Variants in DTNB observed in about 807,000 individuals in gnomAD.
DTNB encodes DTN-B.
Under a neutral mutation model 90.7 loss-of-function variants are expected in DTNB, and 63 were observed. The ratio of observed to expected loss-of-function variants is 0.69; its 90% CI spans 0.57 to 0.86. DTNB has a LOEUF of 0.86. DTNB is among the 40% of genes least tolerant of loss of function. The pLI is 0.00. For missense variants in DTNB, 744 were observed against 807.1 expected, an observed-to-expected ratio of 0.92 and a Z score of 0.95; for synonymous variants, 277 against 286.7, an observed-to-expected ratio of 0.97 and a Z score of 0.34.
At chr2:25,612,158 ATG>A (rs1027290947) in intron 4 of DTNB, among the ~76,000 whole-genome samples, 1 of 152,214 alleles carries the variant, frequency 6.6e-6, no homozygotes, top group Admixed American at 6.5e-5. Flanking sequence ...AATAACCAAA[ATG>A]TCCATTAATA....
intron 9 of DTNB, among the ~76,000 whole-genome samples, chr2:25,496,047 C>G (rs2068756203): frequency 1.3e-5 from 2 of 152,148 alleles, no homozygotes; most frequent in South Asian, 4.1e-4. Flanking sequence ...ACTTTCACCA[C>G]TAGATAGTGT....
At position 25,652,604 on chromosome 2, in the gene DTNB, G is replaced by A; in HGVS notation, c.57C>T (p.Phe19=). The A allele has an allele frequency of 1.9e-6, 3 of 1,609,642 alleles. No individual in the cohort carries two copies. The highest frequency in any genetic ancestry group is 2.5e-6 in the Non-Finnish European group (3 of 1,178,816). ...GGACTCAAGACTCACGCATTTCTATGAACAGCTGCCTCTTCTCTGCCATGG... is the reference window on the plus strand; with the variant it reads ...GGACTCAAGACTCACGCATTTCTATAAACAGCTGCCTCTTCTCTGCCATGG... The part of the protein sequence containing the change: ...RKTMAEKRQL[F]IEMRAQNFDV... The change falls in exon 2 of 21, where the codon TTC becomes TTT. Residue 19 remains phenylalanine (F), a synonymous_variant. Transcript: ENST00000406818.
chr2:25,508,290 A>G (rs1043349202), intron 9 of DTNB, among the ~76,000 whole-genome samples: 7 of 152,174 alleles, frequency 4.6e-5, no homozygotes, highest in Non-Finnish European at 1.0e-4. Flanking sequence ...AAATCTGAAG[A>G]TAACGAAAGG....
At chr2:25,565,844 G>A (rs1272517396) in intron 8 of DTNB, among the ~76,000 whole-genome samples, 2 of 152,106 alleles carry the variant, frequency 1.3e-5, no homozygotes, top group African/African-American at 4.8e-5. Flanking sequence ...AAAAAACTAA[G>A]AGATTCAAGA....
chr2:25,397,795 G>A (rs1370764056), intron 16 of DTNB, among the ~76,000 whole-genome samples: 2 of 148,624 alleles, frequency 1.3e-5, no homozygotes, highest in African/African-American at 5.0e-5. Flanking sequence ...CAGGAGAATC[G>A]CTTGAACCCA....
At chr2:25,484,355 G>A (rs2065683387) in intron 9 of DTNB, among the ~76,000 whole-genome samples, 1 of 152,154 alleles carries the variant, frequency 6.6e-6, no homozygotes, top group African/African-American at 2.4e-5. Flanking sequence ...TTCCGTTTAA[G>A]GACAGAGTTA....
At chr2:25,577,789 T>A (rs1243758456) in intron 7 of DTNB, among the ~76,000 whole-genome samples, 2 of 151,800 alleles carry the variant, frequency 1.3e-5, no homozygotes, top group Non-Finnish European at 2.9e-5. Flanking sequence ...GATCACGAGG[T>A]CAGGAGTTCG....
At chr2:25,445,566 G>C (rs915191654) in intron 12 of DTNB, among the ~76,000 whole-genome samples, 3 of 152,162 alleles carry the variant, frequency 2.0e-5, no homozygotes, top group African/African-American at 7.2e-5. Flanking sequence ...TGGACGTACT[G>C]GTTTGTTTAA....
chr2:25,605,782 T>C (rs1160369984), intron 5 of DTNB, among the ~76,000 whole-genome samples: 1 of 152,222 alleles, frequency 6.6e-6, no homozygotes, highest in Non-Finnish European at 1.5e-5. Context: ...CAACTTTTCT[T>C]TGTGTTTGAT....
chr2:25,451,419 A>G, intron 12 of DTNB, 129 bp downstream of exon 12: 1 of 936,202 alleles, frequency 1.1e-6, no homozygotes, highest in South Asian at 2.0e-5. Flanking sequence ...TACTCTTAGC[A>G]TGTGGAAAAG....
At chr2:25,590,157 C>T (rs148712724) in intron 6 of DTNB, among the ~76,000 whole-genome samples, 67 of 152,350 alleles carry the variant, frequency 4.4e-4, no homozygotes, top group Middle Eastern at 3.4e-3. Flanking sequence ...ATTACAGCCC[C>T]GGCCTGGGGA....
chr2:25,419,321 C>T, intron 16 of DTNB, 194 bp downstream of exon 16: 1 of 767,140 alleles, frequency 1.3e-6, no homozygotes, highest in Middle Eastern at 2.3e-4. Flanking sequence ...TAAGTAAGAA[C>T]ATGCTCTACT....
chr2:25,662,965 T>C (rs2083565814), intron 1 of DTNB, among the ~76,000 whole-genome samples: 1 of 152,204 alleles, frequency 6.6e-6, no homozygotes, highest in African/African-American at 2.4e-5. Flanking sequence ...TACATGGGTA[T>C]ACATGTGCCA....
At chr2:25,605,162 A>C (rs1375410820) in intron 5 of DTNB, among the ~76,000 whole-genome samples, 1 of 152,254 alleles carries the variant, frequency 6.6e-6, no homozygotes, top group African/African-American at 2.4e-5. Context: ...ATTACAGTAC[A>C]ACAAAAATAA....
rs552593652 is a variant in DTNB at position 25,409,290 on chromosome 2, G to C, written c.1575+10225C>G. On this transcript the variant is annotated intron_variant, in intron 16 of 20. Transcript: ENST00000406818. ...TCCTCTATAGGCCAGGACCCAAATA[G>C]ATCTCTATAGACCCTTCTAGGTTTA... Among the ~76,000 whole-genome samples, 6 of 152,238 alleles carry C rather than the reference G, an allele frequency of 3.9e-5. No homozygotes were observed. The South Asian group carries it at 1.2e-3, about 32-fold the overall frequency.
intron 9 of DTNB, among the ~76,000 whole-genome samples, chr2:25,524,590 C>T (rs1016789639): frequency 6.6e-6 from 1 of 152,060 alleles, no homozygotes; most frequent in Non-Finnish European, 1.5e-5. Flanking sequence ...TCCCTAGGTA[C>T]ACAGAAGGCT....
chr2:25,638,070 G>A (rs2077472280), intron 3 of DTNB, among the ~76,000 whole-genome samples: 1 of 152,226 alleles, frequency 6.6e-6, no homozygotes, highest in Non-Finnish European at 1.5e-5. Flanking sequence ...GGACATGGAT[G>A]AAGCTGGAAG....
intron 4 of DTNB, among the ~76,000 whole-genome samples, chr2:25,617,399 G>A (rs977817387): frequency 6.6e-6 from 1 of 152,134 alleles, no homozygotes. Context: ...CATAAGTTAA[G>A]TATGCATCCT....
intron 3 of DTNB, among the ~76,000 whole-genome samples, chr2:25,636,713 C>T (rs975433791): frequency 6.6e-6 from 1 of 152,156 alleles, no homozygotes; most frequent in Non-Finnish European, 1.5e-5. Context: ...CACATTTAGC[C>T]TTACCACATA....
Sources: allele counts gnomAD v4.1 joint callset (sites outside exome capture counted in the v4.1 genomes callset), GRCh38; gene constraint gnomAD v4.1.1; transcripts MANE v1.5; gene names NCBI Gene and HGNC (gene_info 2026-07-23, HGNC 2026-07-21).